Variants in RNF111 observed in about 807,000 individuals in gnomAD.
RNF111 encodes the protein ring finger protein 111.
In RNF111, 17 loss-of-function variants were observed where a neutral mutation model predicts 95.1. The ratio of observed to expected loss-of-function variants is 0.18; its 90% CI spans 0.12 to 0.27. RNF111 has a LOEUF of 0.27. RNF111 is among the 10% of genes least tolerant of loss of function. The probability of loss-of-function intolerance (pLI) is 1.00; values close to 1 mark genes in which losing one functional copy is unlikely to be tolerated. For synonymous variants in RNF111, 440 were observed against 414.8 expected, an observed-to-expected ratio of 1.06 and a Z score of -0.74; for missense variants, 1,189 against 1,210.4, an observed-to-expected ratio of 0.98 and a Z score of 0.26.
intron 1 of RNF111, among the ~76,000 whole-genome samples, chr15:59,001,274 A>T (rs140067516): frequency 2.0e-5 from 3 of 152,284 alleles, no homozygotes; most frequent in African/African-American, 7.2e-5. Flanking sequence ...TGAAGGGTTC[A>T]TGTTCTTCAG....
In RNF111 at chr15:59,031,021, C is replaced by A; in HGVS notation, c.199C>A (p.Leu67Met). The stretch of plus-strand genomic sequence containing the variant: ...TAAAGTGGGGAATGAATTCTCTCAC[C>A]TGTGTGATGATTCTCAAAAGCAAGA... ...NSKVGNEFSH[L>M]CDDSQKQEKE... is the part of the protein sequence containing the mutation. The change falls in exon 2 of 14, where the codon CTG becomes ATG. Residue 67 changes from leucine to methionine, a missense_variant. Around this residue, in one of 2 missense-constraint regions of RNF111, gnomAD observed 1,024 missense variants for 925.9 expected, o/e 1.11. Coordinates refer to ENST00000348370, the MANE Select transcript of RNF111 (RefSeq NM_017610.8). 2 of 1,614,164 alleles carry A rather than the reference C, an allele frequency of 1.2e-6. No homozygotes were observed. The highest frequency in any genetic ancestry group is 1.7e-6 in the Non-Finnish European group (2 of 1,180,024).
rs2079167762 is a variant in RNF111, at chr15:59,095,811, C to T, written c.*911C>T. The T allele has an allele frequency of 2.6e-6, 1 of 391,800 alleles. No homozygotes were observed. The highest frequency in any genetic ancestry group is 1.4e-4 in the South Asian group (1 of 6,964). 24.3% of individuals were successfully genotyped at this position (391,800 alleles called of 1,614,324 possible). ...TAAGCACGAAAAGTTAAGATATCTG[C>T]TTACATTGATTTTGTAGACACATTA... On this transcript the variant is annotated 3_prime_UTR_variant, in exon 14 of 14. Transcript: ENST00000348370.
At chr15:59,052,564 A>T (rs2042033635) in intron 3 of RNF111, 133 bp downstream of exon 3, 89 of 368,986 alleles carry the variant, frequency 2.4e-4, no homozygotes, top group Non-Finnish European at 3.1e-4. Flanking sequence ...ATATCAGATT[A>T]GTGGATTTTT....
intron 1 of RNF111, among the ~76,000 whole-genome samples, chr15:59,018,463 A>G (rs559899221): frequency 1.3e-5 from 2 of 152,334 alleles, no homozygotes; most frequent in South Asian, 4.1e-4. Context: ...GTGTTCTAAT[A>G]TAGTGAAAAA....
intron 6 of RNF111, among the ~76,000 whole-genome samples, chr15:59,067,432 A>T (rs551589583): frequency 2.0e-5 from 3 of 152,152 alleles, no homozygotes; most frequent in Admixed American, 1.3e-4. Flanking sequence ...CGTTAAAACC[A>T]ACCCACCTTT....
At chr15:59,091,774 T>G (rs1429539973) in intron 12 of RNF111, among the ~76,000 whole-genome samples, 1 of 152,174 alleles carries the variant, frequency 6.6e-6, no homozygotes, top group East Asian at 1.9e-4. Flanking sequence ...TTTTCATGGA[T>G]AGGTGGCAGA....
rs540261739 is a variant in RNF111, at chr15:59,058,236, G to C, written c.1172-120G>C. 64 of 766,644 alleles carry C rather than the reference G, an allele frequency of 8.3e-5. No homozygotes were observed. In the African/African-American group the frequency reaches 1.0e-3, roughly 12 times the overall value. 47.5% of individuals were successfully genotyped at this position (766,644 alleles called of 1,614,324 possible). On this transcript the variant is annotated intron_variant, in intron 4 of 13. Coordinates refer to ENST00000348370, the MANE Select transcript of RNF111 (RefSeq NM_017610.8). ...ACGCTTTCTTTACCAAATGTTATTA[G>C]AGAGCTTGTATTTTTAAAGTTTTTT...
intron 2 of RNF111, among the ~76,000 whole-genome samples, chr15:59,037,198 A>G (rs1436507816): frequency 6.6e-6 from 1 of 152,128 alleles, no homozygotes; most frequent in Non-Finnish European, 1.5e-5. Context: ...CCCATTATTA[A>G]TTGGCTTTTA....
chr15:59,064,362 C>T lies in RNF111; in HGVS notation c.1367-2402C>T, dbSNP rs562638956. Among the ~76,000 whole-genome samples, 8 of 151,782 alleles carry T rather than the reference C, an allele frequency of 5.3e-5. 1 individual carries two copies. In the South Asian group the frequency reaches 6.3e-4, roughly 12 times the overall value. On this transcript the variant is annotated intron_variant, in intron 5 of 13. Transcript: ENST00000348370. ...CATCCTGGCTAACATGGTGAAACCC[C>T]GTCTCTACTAAAAATACAAAAAAAT...
rs556548225 is a variant in RNF111 at position 59,089,335 on chromosome 15, C to T, written c.2551-332C>T. On this transcript the variant is annotated intron_variant, in intron 10 of 13. Coordinates refer to ENST00000348370, the MANE Select transcript of RNF111 (RefSeq NM_017610.8). ...TGAAGTAAAAAACTTATCTTGAAGT[C>T]GAATTTTGTTGGAAAATTGTGTGCA... Among the ~76,000 whole-genome samples, 8 of 152,156 alleles carry T rather than the reference C, an allele frequency of 5.3e-5. No homozygotes were observed. The East Asian group carries it at 1.2e-3, about 22-fold the overall frequency.
At position 59,089,652 on chromosome 15, in the gene RNF111, C is replaced by T; in HGVS notation, c.2551-15C>T. On this transcript the variant is annotated splice_polypyrimidine_tract_variant and intron_variant, in intron 10 of 13. Transcript: ENST00000348370. Reference sequence around the variant, plus strand: ...TTCTTAAAATTGATTTAGCCTATCTCTTCTGTTGAAATAGGTTCCTGATAT... The same window carrying T: ...TTCTTAAAATTGATTTAGCCTATCTTTTCTGTTGAAATAGGTTCCTGATAT... 2.5e-6 allele frequency: 4 copies of T among 1,591,536 alleles called. No individual in the cohort carries two copies. Among genetic ancestry groups the T allele is most frequent in the Non-Finnish European group, 2.6e-6 (3 of 1,160,762 alleles).
At chr15:59,082,098 T>G (rs1166166127) in intron 8 of RNF111, among the ~76,000 whole-genome samples, 1 of 152,202 alleles carries the variant, frequency 6.6e-6, no homozygotes, top group East Asian at 1.9e-4. Context: ...CCCAAAAAAG[T>G]AACTATACTA....
At chr15:59,076,240 A>G (rs1938745066) in intron 7 of RNF111, 25 bp downstream of exon 7, 1 of 1,601,204 alleles carries the variant, frequency 6.2e-7, no homozygotes, top group Non-Finnish European at 8.5e-7. Context: ...AGTGGACACA[A>G]AATCTAGAGT....
At position 59,055,746 on chromosome 15, in the gene RNF111, C is replaced by G; in HGVS notation, c.1072C>G (p.Arg358Gly). The change falls in exon 4 of 14, where the codon CGG becomes GGG. Residue 358 changes from arginine (R) to glycine (G), a missense_variant. By Grantham distance (125) the Arg-to-Gly change is moderately radical. This residue lies in a region of RNF111 where 1,024 missense variants were observed against 925.9 expected (regional missense o/e 1.11). Coordinates refer to ENST00000348370, the MANE Select transcript of RNF111 (RefSeq NM_017610.8). ...WSQGSSSHAS[R>G]PQEPRNRSRI... ...CCAGGGTTCCAGTTCTCATGCAAGTCGGCCACAGGAGCCACGGAACCGCAG... is the reference window on the plus strand; with the variant it reads ...CCAGGGTTCCAGTTCTCATGCAAGTGGGCCACAGGAGCCACGGAACCGCAG... 6.2e-7 allele frequency: 1 copy of G among 1,613,820 alleles called. No homozygotes were observed. Among genetic ancestry groups the G allele is most frequent in the African/African-American group, 1.3e-5 (1 of 75,002 alleles).
At chr15:59,041,254 T>C (rs2041435030) in intron 2 of RNF111, among the ~76,000 whole-genome samples, 1 of 152,138 alleles carries the variant, frequency 6.6e-6, no homozygotes, top group Admixed American at 6.6e-5. Flanking sequence ...TAAATAGCAC[T>C]GCAATAAATA....
chr15:59,083,729 T>G (rs1305610304), intron 8 of RNF111, among the ~76,000 whole-genome samples: 4 of 152,318 alleles, frequency 2.6e-5, no homozygotes, highest in Admixed American at 2.6e-4. Flanking sequence ...TGTCCTGCTT[T>G]AATGTTTATA....
chr15:59,058,399 A>G lies in RNF111; in HGVS notation c.1215A>G (p.Gln405=), dbSNP rs528070424. ...VPTTSARMES[Q]ATSASINNSN... ...CCACTTCTGCAAGAATGGAATCACA[A>G]GCTACTAGCGCTTCCATTAACAATT... The change falls in exon 5 of 14, where the codon CAA becomes CAG. Residue 405 remains glutamine, a synonymous_variant. Coordinates refer to ENST00000348370, the MANE Select transcript of RNF111 (RefSeq NM_017610.8). The G allele has an allele frequency of 1.9e-6, 3 of 1,614,160 alleles. No individual in the cohort carries two copies. The Admixed American group carries it at 5.0e-5, about 27-fold the overall frequency.
At chr15:59,073,346 T>C (rs2043023810) in intron 6 of RNF111, among the ~76,000 whole-genome samples, 1 of 152,000 alleles carries the variant, frequency 6.6e-6, no homozygotes, top group South Asian at 2.1e-4. Flanking sequence ...AGGTGCGTGG[T>C]GGCATGCACC....
chr15:59,044,048 G>T (rs1467771467), intron 2 of RNF111, among the ~76,000 whole-genome samples: 1 of 152,052 alleles, frequency 6.6e-6, no homozygotes, highest in African/African-American at 2.4e-5. Flanking sequence ...CTGGTGGGGG[G>T]AGACAGAGTT....
Sources: allele counts gnomAD v4.1 joint callset (sites outside exome capture counted in the v4.1 genomes callset), GRCh38; gene constraint gnomAD v4.1.1; regional missense constraint gnomAD v4.1.1; transcripts MANE v1.5; gene names NCBI Gene and HGNC (gene_info 2026-07-23, HGNC 2026-07-21).